The following CDX1 variants were observed in gnomAD, a reference collection of about 807,000 sequenced individuals.
The protein encoded by CDX1 is homeobox protein CDX-1.
A neutral mutation model predicts 16.9 loss-of-function variants in CDX1; 9 were observed. The observed-to-expected ratio is 0.53, with a 90% confidence interval of 0.32 to 0.93. The LOEUF (loss-of-function observed/expected upper bound fraction) is 0.93. Ranked by LOEUF, CDX1 falls within the 40% of genes least tolerant of loss-of-function variation. CDX1 has a pLI of 0.04. For missense variants in CDX1, 393 were observed against 386.1 expected (o/e 1.02, Z -0.15); for synonymous variants, 179 against 179.0 (o/e 1.00, Z 0.00).
At position 150,182,929 on chromosome 5, in the gene CDX1, T is replaced by A. The variant is rs1263200814; in HGVS notation, c.591+16T>A. The A allele has an allele frequency of 6.3e-7, 1 of 1,597,650 alleles. No individual in the cohort carries two copies. Among genetic ancestry groups the A allele is most frequent in the East Asian group, 2.2e-5 (1 of 44,728 alleles). On this transcript the variant is annotated intron_variant, in intron 2 of 2. Coordinates refer to ENST00000231656, the MANE Select transcript of CDX1 (RefSeq NM_001804.3). The stretch of plus-strand genomic sequence containing the variant: ...TGAACGGCAGGTGTGTCTGTCTTCC[T>A]ATCTCAGCCATAGGAGCAGTGCGAG...
chr5:150,167,211 T>A lies in CDX1; in HGVS notation c.335T>A (p.Leu112Gln). 7.9e-7 allele frequency: 1 copy of A among 1,263,520 alleles called. No homozygotes were observed. The highest frequency in any genetic ancestry group is 9.9e-7 in the Non-Finnish European group (1 of 1,009,310). 78.3% of individuals were successfully genotyped at this position (1,263,520 alleles called of 1,614,324 possible). The part of the protein sequence containing the change: ...PAPPGPGPGL[L>Q]AQPLGGPGTP... ...CCCCCTGGGCCCGGCCCGGGCCTCC[T>A]GGCGCAGCCCCTCGGGGGCCCGGGC... is the stretch of plus-strand genomic sequence containing the variant. The change falls in exon 1 of 3, where the codon CTG becomes CAG. Residue 112 changes from leucine to glutamine, a missense_variant. Transcript: ENST00000231656.
intron 1 of CDX1, among the ~76,000 whole-genome samples, chr5:150,171,395 G>A (rs1003607345): frequency 6.6e-6 from 1 of 152,164 alleles, no homozygotes; most frequent in Non-Finnish European, 1.5e-5. Flanking sequence ...GAGTACAGTG[G>A]TGCGATCTCG....
chr5:150,177,348 T>A (rs1338164113), intron 1 of CDX1, among the ~76,000 whole-genome samples: 1 of 152,216 alleles, frequency 6.6e-6, no homozygotes, highest in East Asian at 1.9e-4. Flanking sequence ...ATTGCACAGA[T>A]CCATTCCCTG....
At chr5:150,172,108 G>C (rs144379613) in intron 1 of CDX1, among the ~76,000 whole-genome samples, 1 of 152,100 alleles carries the variant, frequency 6.6e-6, no homozygotes, top group Non-Finnish European at 1.5e-5. Flanking sequence ...CTCCTTCTCC[G>C]AGGCTGTCTC....
chr5:150,178,656 A>G (rs942499590), intron 1 of CDX1, among the ~76,000 whole-genome samples: 4 of 151,884 alleles, frequency 2.6e-5, no homozygotes, highest in African/African-American at 4.8e-5. Context: ...TAACACATAC[A>G]CTTGATAAAG....
intron 1 of CDX1, among the ~76,000 whole-genome samples, chr5:150,182,403 A>T (rs1420752378): frequency 6.6e-6 from 1 of 152,220 alleles, no homozygotes; most frequent in African/African-American, 2.4e-5. Context: ...GTGCAGCCAC[A>T]TCTGGAAGCT....
At chr5:150,182,048 T>G (rs946284689) in intron 1 of CDX1, among the ~76,000 whole-genome samples, 5 of 152,118 alleles carry the variant, frequency 3.3e-5, no homozygotes, top group Non-Finnish European at 7.4e-5. Context: ...GCAGCCCCAG[T>G]CCTCCCTGTC....
At chr5:150,170,859 CT>C (rs918303322) in intron 1 of CDX1, among the ~76,000 whole-genome samples, 2 of 151,578 alleles carry the variant, frequency 1.3e-5, no homozygotes, top group African/African-American at 2.4e-5. Context: ...ACAAGACGTT[CT>C]TTTTTTTTCC....
intron 1 of CDX1, among the ~76,000 whole-genome samples, chr5:150,173,356 C>G (rs1248187007): frequency 6.6e-6 from 1 of 152,220 alleles, no homozygotes; most frequent in Admixed American, 6.5e-5. Flanking sequence ...TGCCCTCACT[C>G]TGCTCCTCCC....
chr5:150,183,689 C>A lies in CDX1; in HGVS notation c.*9C>A. On this transcript the variant is annotated 3_prime_UTR_variant, in exon 3 of 3. Transcript: ENST00000231656. ...AGGAGTTTCTGCCATAGCCCCATGC[C>A]CAGCCTGTGCGCCGGGGGACCTGGG... is the stretch of plus-strand genomic sequence containing the variant. The A allele has an allele frequency of 5.9e-6, 9 of 1,537,428 alleles. No homozygotes were observed. The highest frequency in any genetic ancestry group is 7.9e-6 in the Non-Finnish European group (9 of 1,138,326).
At position 150,184,027 on chromosome 5, in the gene CDX1, G is replaced by A; in HGVS notation, c.*347G>A. The A allele has an allele frequency of 4.7e-6, 1 of 214,370 alleles. No individual in the cohort carries two copies. The highest frequency in any genetic ancestry group is 9.2e-6 in the Non-Finnish European group (1 of 108,944). 13.3% of individuals were successfully genotyped at this position (214,370 alleles called of 1,614,324 possible). On this transcript the variant is annotated 3_prime_UTR_variant, in exon 3 of 3. Transcript: ENST00000231656. ...ACGTTCAGAGGTGCAGCTGGAGGCT[G>A]CTGTGGGGACCACACTGATCCTGGA...
At chr5:150,171,480 C>T (rs1374819631) in intron 1 of CDX1, among the ~76,000 whole-genome samples, 2 of 152,194 alleles carry the variant, frequency 1.3e-5, no homozygotes, top group African/African-American at 4.8e-5. Flanking sequence ...GGACTACAAG[C>T]GCACGCTGTC....
intron 1 of CDX1, among the ~76,000 whole-genome samples, chr5:150,179,224 A>G (rs1441192099): frequency 6.6e-6 from 1 of 152,202 alleles, no homozygotes; most frequent in Non-Finnish European, 1.5e-5. Context: ...GTTCTTTGGC[A>G]GAGCCATTTT....
chr5:150,179,080 A>G (rs1044896662), intron 1 of CDX1, among the ~76,000 whole-genome samples: 1 of 152,068 alleles, frequency 6.6e-6, no homozygotes, highest in African/African-American at 2.4e-5. Flanking sequence ...TCTTCGGTCA[A>G]AGGGTATGTG....
chr5:150,180,327 G>A (rs904352180), intron 1 of CDX1, among the ~76,000 whole-genome samples: 28 of 152,214 alleles, frequency 1.8e-4, no homozygotes, highest in African/African-American at 6.3e-4. Context: ...AGGCTATCCC[G>A]TGCTATGCTG....
At chr5:150,170,088 G>A (rs1157074076) in intron 1 of CDX1, among the ~76,000 whole-genome samples, 1 of 152,146 alleles carries the variant, frequency 6.6e-6, no homozygotes, top group African/African-American at 2.4e-5. Context: ...CCAAGCTCTA[G>A]CCATTCCAGA....
rs1362062452 is a variant in CDX1, at chr5:150,166,781, A to C, written c.-96A>C. ...GCCTGGGTGGGGCGGGCGCGGCGGC[A>C]GGACAGCCGAGTTCAGGTGAGCGGT... is the stretch of plus-strand genomic sequence containing the variant. On this transcript the variant is annotated 5_prime_UTR_variant, in exon 1 of 3. Transcript: ENST00000231656. 2.4e-6 allele frequency: 2 copies of C among 839,634 alleles called. No homozygotes were observed. The highest frequency in any genetic ancestry group is 2.6e-5 in the South Asian group (1 of 38,126). The allele number at this position is 839,634 out of a possible 1,614,324, so 52.0% of individuals were successfully genotyped here. A position where few individuals can be genotyped will look rare whatever the true frequency, so the allele number is the denominator to read the frequency against.
At chr5:150,167,391 G>T in intron 1 of CDX1, 70 bp downstream of exon 1, 1 of 1,088,362 alleles carries the variant, frequency 9.2e-7, no homozygotes, top group Non-Finnish European at 1.2e-6. Flanking sequence ...GCCGCCCCCT[G>T]TCTGACCTCT....
At chr5:150,182,007 G>GAGGT (rs925304637) in intron 1 of CDX1, among the ~76,000 whole-genome samples, 12 of 152,100 alleles carry the variant, frequency 7.9e-5, no homozygotes, top group African/African-American at 2.7e-4. Flanking sequence ...CAGAGCCTTT[G>GAGGT]AGGTAACTGG....
Sources: allele counts gnomAD v4.1 joint callset (sites outside exome capture counted in the v4.1 genomes callset), GRCh38; gene constraint gnomAD v4.1.1; transcripts MANE v1.5; gene names NCBI Gene and HGNC (gene_info 2026-07-23, HGNC 2026-07-21).